The following RAPGEF6 variants were observed in gnomAD, a reference collection of about 807,000 sequenced individuals.
RAPGEF6 encodes Rap guanine nucleotide exchange factor 6.
In RAPGEF6, 56 loss-of-function variants were observed where a neutral mutation model predicts 171.4. That is an observed-to-expected ratio of 0.33 (90% CI 0.26 to 0.41). The LOEUF is 0.41. RAPGEF6 is among the 10% of genes least tolerant of loss of function. RAPGEF6 has a pLI of 1.00. For synonymous variants in RAPGEF6, 692 were observed against 650.1 expected, an observed-to-expected ratio of 1.06 and a Z score of -0.98; for missense variants, 1,674 against 1,921.4, an observed-to-expected ratio of 0.87 and a Z score of 2.41.
rs1247205593 is a variant in RAPGEF6 at position 131,446,582 on chromosome 5, C to T, written c.3322G>A (p.Ala1108Thr). The T allele has an allele frequency of 1.1e-5, 18 of 1,614,104 alleles. No homozygotes were observed. The highest frequency in any genetic ancestry group is 1.5e-5 in the Non-Finnish European group (18 of 1,180,038). Residue 1108 changes from alanine to threonine, a missense_variant, in exon 22 of 28, where the codon GCA becomes ACA. Transcript: ENST00000509018. ...GAAAGATACTGCTTCACCTTCCTTG[C>T]CATTTGGGCATCCTCATATAGCTTC... ...AKKLYEDAQM[A>T]RKVKQYLSSL...
At chr5:131,555,340 T>C (rs1030730755) in intron 5 of RAPGEF6, among the ~76,000 whole-genome samples, 2 of 151,702 alleles carry the variant, frequency 1.3e-5, no homozygotes, top group African/African-American at 4.8e-5. Context: ...TCGCTGCTTC[T>C]AAACTTTTGC....
intron 4 of RAPGEF6, among the ~76,000 whole-genome samples, chr5:131,588,069 C>A (rs1185422405): frequency 1.3e-5 from 2 of 151,744 alleles, no homozygotes; most frequent in African/African-American, 4.8e-5. Flanking sequence ...ATGCTGTTCC[C>A]AGCTTGACTT....
intron 11 of RAPGEF6, among the ~76,000 whole-genome samples, chr5:131,498,872 T>C (rs1219576092): frequency 2.0e-5 from 3 of 152,200 alleles, no homozygotes; most frequent in Non-Finnish European, 4.4e-5. Flanking sequence ...TGGCATTTCA[T>C]CATAGCAGGA....
At chr5:131,463,895 G>T in intron 18 of RAPGEF6, 146 bp downstream of exon 18, 1 of 1,391,904 alleles carries the variant, frequency 7.2e-7, no homozygotes, top group South Asian at 1.9e-5. Context: ...TTTAGCAGGA[G>T]TGACAAGATA....
chr5:131,469,568 T>C (rs1754605921), intron 17 of RAPGEF6, among the ~76,000 whole-genome samples: 1 of 152,006 alleles, frequency 6.6e-6, no homozygotes. Context: ...CAAAGAACAT[T>C]TCAGAAGTTA....
chr5:131,630,486 T>A (rs1766232818), intron 1 of RAPGEF6, among the ~76,000 whole-genome samples: 1 of 152,180 alleles, frequency 6.6e-6, no homozygotes. Flanking sequence ...CTTAACAGTT[T>A]TTGTTGTTTT....
At chr5:131,536,589 C>T (rs1759792378) in intron 6 of RAPGEF6, among the ~76,000 whole-genome samples, 2 of 152,042 alleles carry the variant, frequency 1.3e-5, no homozygotes, top group Admixed American at 6.6e-5. Flanking sequence ...AAATATGATC[C>T]ACCCTTAGGG....
chr5:131,435,830 T>G, intron 24 of RAPGEF6: 1 of 1,408,232 alleles, frequency 7.1e-7, no homozygotes. Flanking sequence ...CATTTTCAAG[T>G]GTTTATAAAT....
In RAPGEF6 at chr5:131,429,224, G is replaced by A. The variant is rs1751552393; in HGVS notation, c.4466-8C>T. The stretch of plus-strand genomic sequence containing the variant: ...GTGAGGTGACACAGTACACTGGCAT[G>A]AAAAATAAGCAATGAAAATGTTAAT... On this transcript the variant is annotated splice_polypyrimidine_tract_variant and splice_region_variant and intron_variant, in intron 26 of 27. Transcript: ENST00000509018. 2.7e-6 allele frequency: 4 copies of A among 1,507,420 alleles called. No individual in the cohort carries two copies. The highest frequency in any genetic ancestry group is 1.3e-5 in the South Asian group (1 of 77,446). 93.4% of individuals were successfully genotyped at this position (1,507,420 alleles called of 1,614,324 possible).
chr5:131,570,041 C>CAAAAAAAAAAA (rs34729268), intron 4 of RAPGEF6, among the ~76,000 whole-genome samples: 1 of 27,490 alleles, frequency 3.6e-5, no homozygotes, highest in African/African-American at 1.9e-4. Context: ...GACTCTGTCT[C>CAAAAAAAAAAA]AAAAAAAAAA....
At chr5:131,427,454 T>C (rs1271608463) in intron 27 of RAPGEF6, among the ~76,000 whole-genome samples, 163 bp from the exon 28 acceptor site, 2 of 152,182 alleles carry the variant, frequency 1.3e-5, no homozygotes, top group African/African-American at 4.8e-5. Flanking sequence ...TCTGATCACA[T>C]TGAAGGTTGA....
rs77349380 is a variant in RAPGEF6 at position 131,468,879 on chromosome 5, T to C, written c.2239+3708A>G. Among the ~76,000 whole-genome samples the C allele has an allele frequency of 2.7e-3, 407 of 152,366 alleles. 2 individuals carry two copies. The highest frequency in any genetic ancestry group is 9.5e-3 in the African/African-American group (395 of 41,588). On this transcript the variant is annotated intron_variant, in intron 17 of 27. Transcript: ENST00000509018. ...AAAAATTGTTCTGCAAAGAGCCAGATAGTAAACATTTTAAGTTTTGCAGGT... is the reference window on the plus strand; with the variant it reads ...AAAAATTGTTCTGCAAAGAGCCAGACAGTAAACATTTTAAGTTTTGCAGGT...
At chr5:131,539,261 C>T (rs770827273) in intron 6 of RAPGEF6, among the ~76,000 whole-genome samples, 1 of 152,108 alleles carries the variant, frequency 6.6e-6, no homozygotes, top group Non-Finnish European at 1.5e-5. Context: ...TTATGAAATA[C>T]CATATTAAAA....
chr5:131,616,945 T>C (rs767993614), intron 1 of RAPGEF6, among the ~76,000 whole-genome samples: 6 of 152,158 alleles, frequency 3.9e-5, no homozygotes, highest in Admixed American at 2.6e-4. Context: ...TCCAAAACTT[T>C]CATTAACCAA....
intron 6 of RAPGEF6, among the ~76,000 whole-genome samples, chr5:131,535,291 A>T (rs777001026): frequency 1.8e-4 from 28 of 152,326 alleles, no homozygotes; most frequent in African/African-American, 4.1e-4. Flanking sequence ...ATCCACCAGC[A>T]TTCTGAGGAA....
At chr5:131,547,348 T>C (rs1760615623) in intron 6 of RAPGEF6, among the ~76,000 whole-genome samples, 1 of 152,206 alleles carries the variant, frequency 6.6e-6, no homozygotes, top group South Asian at 2.1e-4. Flanking sequence ...ATTGTTTTAA[T>C]ATTCTAGAAA....
chr5:131,457,262 G>T (rs1014333197), intron 19 of RAPGEF6, among the ~76,000 whole-genome samples: 1 of 152,092 alleles, frequency 6.6e-6, no homozygotes, highest in Non-Finnish European at 1.5e-5. Context: ...GTACAGACAG[G>T]GTTTCACCAT....
At chr5:131,436,564 G>C (rs1354799792) in intron 24 of RAPGEF6, among the ~76,000 whole-genome samples, 1 of 152,108 alleles carries the variant, frequency 6.6e-6, no homozygotes, top group Non-Finnish European at 1.5e-5. Flanking sequence ...ATCAGTTATT[G>C]CAAGACAGAA....
intron 3 of RAPGEF6, among the ~76,000 whole-genome samples, chr5:131,594,795 G>A (rs1350081246): frequency 6.6e-6 from 1 of 152,218 alleles, no homozygotes; most frequent in Non-Finnish European, 1.5e-5. Context: ...TTTAATGACT[G>A]CCCTGCTGGG....
Sources: allele counts gnomAD v4.1 joint callset (sites outside exome capture counted in the v4.1 genomes callset), GRCh38; gene constraint gnomAD v4.1.1; transcripts MANE v1.5; gene names NCBI Gene and HGNC (gene_info 2026-07-23, HGNC 2026-07-21).